Variants in PLPP4 observed in about 807,000 individuals in gnomAD.
PLPP4 encodes phospholipid phosphatase 4.
PLPP4 carries 20 observed loss-of-function variants against 32.2 expected under a neutral mutation model. The observed-to-expected ratio is 0.62, with a 90% CI of 0.44 to 0.90. The LOEUF (loss-of-function observed/expected upper bound fraction) is 0.90. Among genes scored for constraint, PLPP4 ranks in the 40% least tolerant of loss-of-function variants. The pLI is 0.00. For missense variants in PLPP4, 257 were observed against 353.1 expected, an observed-to-expected ratio of 0.73 and a Z score of 2.18; for synonymous variants, 127 against 133.0, an observed-to-expected ratio of 0.95 and a Z score of 0.31.
chr10:120,537,718 T>G (rs1847095276), intron 5 of PLPP4, among the ~76,000 whole-genome samples: 1 of 152,162 alleles, frequency 6.6e-6, no homozygotes, highest in Admixed American at 6.5e-5. Context: ...CTATGTGAGG[T>G]GATGGATATG....
intron 5 of PLPP4, among the ~76,000 whole-genome samples, chr10:120,538,561 G>C (rs568633498): frequency 3.0e-4 from 45 of 152,146 alleles, no homozygotes; most frequent in African/African-American, 8.7e-4. Flanking sequence ...TCCTCAGCTT[G>C]AACTCTGCAG....
intron 5 of PLPP4, among the ~76,000 whole-genome samples, chr10:120,550,562 G>A (rs1370904220): frequency 6.6e-6 from 1 of 151,752 alleles, no homozygotes; most frequent in Non-Finnish European, 1.5e-5. Context: ...AAGCCAATGT[G>A]GTTAAGGACA....
chr10:120,527,125 A>G (rs905782323), intron 5 of PLPP4, among the ~76,000 whole-genome samples: 1 of 152,086 alleles, frequency 6.6e-6, no homozygotes, highest in East Asian at 1.9e-4. Context: ...CCTATCTATC[A>G]ATCAATCATC....
At chr10:120,503,976 C>G (rs1477464836) in intron 2 of PLPP4, 50 bp downstream of exon 2, 1 of 1,276,290 alleles carries the variant, frequency 7.8e-7, no homozygotes, top group African/African-American at 1.5e-5. Flanking sequence ...CAAAGATGAA[C>G]CAAATGGGTT....
intron 1 of PLPP4, among the ~76,000 whole-genome samples, chr10:120,473,498 C>G (rs1259972780): frequency 6.6e-6 from 1 of 152,036 alleles, no homozygotes; most frequent in East Asian, 1.9e-4. Context: ...CACTGGGGTT[C>G]TTGTAGTCTT....
chr10:120,559,516 A>G (rs1407730640), intron 5 of PLPP4, among the ~76,000 whole-genome samples: 1 of 152,202 alleles, frequency 6.6e-6, no homozygotes, highest in Non-Finnish European at 1.5e-5. Context: ...TTAGCATCTT[A>G]TGCAGGATTT....
chr10:120,504,106 A>G (rs1589780614), intron 2 of PLPP4, among the ~76,000 whole-genome samples, 180 bp downstream of exon 2: 1 of 152,300 alleles, frequency 6.6e-6, no homozygotes, highest in Non-Finnish European at 1.5e-5. Context: ...GTCATGTGAG[A>G]AGTAGTCTGT....
Position 120,471,139 on chromosome 10 carries a change from C to G in PLPP4, c.56+13778C>G, listed in dbSNP as rs149955732. Reference sequence around the variant, plus strand: ...TTCTAAATATATTAAAAGAAGTTAGCCATGCTATTAAAATTTTCTGTAGTC... The same window carrying G: ...TTCTAAATATATTAAAAGAAGTTAGGCATGCTATTAAAATTTTCTGTAGTC... On this transcript the variant is annotated intron_variant, in intron 1 of 6. Transcript: ENST00000398250. Among the ~76,000 whole-genome samples the G allele has an allele frequency of 1.7e-4, 26 of 152,122 alleles. No individual in the cohort carries two copies. In the East Asian group the frequency reaches 4.8e-3, roughly 28 times the overall value.
intron 5 of PLPP4, among the ~76,000 whole-genome samples, chr10:120,549,344 G>A (rs1332089188): frequency 6.7e-6 from 1 of 150,284 alleles, no homozygotes; most frequent in East Asian, 1.9e-4. Context: ...ACTAGATGAA[G>A]GCGAAATCTA....
At chr10:120,474,416 G>A (rs549302051) in intron 1 of PLPP4, among the ~76,000 whole-genome samples, 23 of 152,204 alleles carry the variant, frequency 1.5e-4, no homozygotes, top group African/African-American at 5.5e-4. Context: ...TTTCTGTGAT[G>A]TGTTGTTTGA....
chr10:120,472,282 TCTC>T (rs1848549844), intron 1 of PLPP4, among the ~76,000 whole-genome samples: 1 of 152,136 alleles, frequency 6.6e-6, no homozygotes, highest in African/African-American at 2.4e-5. Context: ...GGAAATAAAT[TCTC>T]CTGGCTTTTG....
chr10:120,519,074 A>G (rs1846049360), intron 4 of PLPP4, among the ~76,000 whole-genome samples, 178 bp downstream of exon 4: 2 of 152,078 alleles, frequency 1.3e-5, no homozygotes, highest in Admixed American at 1.3e-4. Context: ...CAAACTCACT[A>G]TTTTAGAAAG....
At chr10:120,518,757 A>C in intron 3 of PLPP4, 76 bp from the exon 4 acceptor site, 2 of 1,092,360 alleles carry the variant, frequency 1.8e-6, no homozygotes, top group Non-Finnish European at 2.8e-6. Context: ...AACAGTGATG[A>C]TGATGATAAT....
chr10:120,463,257 A>C (rs1251142321), intron 1 of PLPP4, among the ~76,000 whole-genome samples: 1 of 151,920 alleles, frequency 6.6e-6, no homozygotes, highest in African/African-American at 2.4e-5. Flanking sequence ...CGATCTCCTG[A>C]CCTCGTGATC....
intron 6 of PLPP4, among the ~76,000 whole-genome samples, chr10:120,577,128 C>T (rs1481134083): frequency 6.6e-6 from 1 of 152,206 alleles, no homozygotes; most frequent in Non-Finnish European, 1.5e-5. Flanking sequence ...TTGCTTAGTA[C>T]ATTTTTTCTA....
intron 1 of PLPP4, among the ~76,000 whole-genome samples, chr10:120,489,818 C>T (rs1564791285): frequency 6.6e-6 from 1 of 152,196 alleles, no homozygotes; most frequent in Non-Finnish European, 1.5e-5. Context: ...TTGCCAGCTG[C>T]CAGCTTCCGA....
intron 1 of PLPP4, among the ~76,000 whole-genome samples, chr10:120,473,689 G>A (rs1337253142): frequency 6.6e-6 from 1 of 152,172 alleles, no homozygotes; most frequent in Non-Finnish European, 1.5e-5. Flanking sequence ...GAATCATGGG[G>A]TGAGACTTCC....
At chr10:120,540,688 A>G (rs1847297352) in intron 5 of PLPP4, among the ~76,000 whole-genome samples, 1 of 152,246 alleles carries the variant, frequency 6.6e-6, no homozygotes, top group African/African-American at 2.4e-5. Context: ...ACAGCAATGG[A>G]CATTAAACAA....
chr10:120,504,018 T>A, intron 2 of PLPP4, 92 bp downstream of exon 2: 1 of 848,080 alleles, frequency 1.2e-6, no homozygotes, highest in Non-Finnish European at 1.9e-6. Context: ...CTGAAGACAG[T>A]GGGTGGCCTG....
Sources: gnomAD v4.1 joint callset for allele counts (sites outside exome capture counted in the v4.1 genomes callset) on GRCh38, gnomAD v4.1.1 for gene constraint, MANE v1.5 for transcripts, NCBI Gene and HGNC (gene_info 2026-07-23, HGNC 2026-07-21) for gene names.